The following PARD3B variants were observed in gnomAD, a reference collection of about 807,000 sequenced individuals.
PARD3B encodes the protein partitioning defective 3 homolog B.
In PARD3B, 103 loss-of-function variants were observed where a neutral mutation model predicts 130.2. The observed-to-expected ratio is 0.79, with a 90% CI of 0.67 to 0.93. The LOEUF is 0.93. Among genes scored for constraint, PARD3B ranks in the 40% least tolerant of loss-of-function variants. PARD3B has a pLI of 0.00. For synonymous variants in PARD3B, 583 were observed against 553.2 expected (o/e 1.05, Z -0.76); for missense variants, 1,609 against 1,499.2 (o/e 1.07, Z -1.21).
chr2:204,808,982 G>C (rs1310894375), intron 2 of PARD3B, among the ~76,000 whole-genome samples: 2 of 152,148 alleles, frequency 1.3e-5, no homozygotes, highest in Non-Finnish European at 2.9e-5. Context: ...TGACTGGTGT[G>C]AGATGGTACC....
chr2:205,355,569 G>A (rs6740963), intron 18 of PARD3B, among the ~76,000 whole-genome samples: 90,873 of 152,030 alleles, frequency 0.6, 30,681 homozygotes, highest in South Asian at 0.77. Context: ...TGTGTAAGGT[G>A]AGTGATTGAT....
At chr2:204,707,911 C>G (rs945329473) in intron 2 of PARD3B, among the ~76,000 whole-genome samples, 5 of 152,078 alleles carry the variant, frequency 3.3e-5, no homozygotes, top group Non-Finnish European at 7.4e-5. Context: ...GAGCTCTACC[C>G]AGAGGCGGCC....
At chr2:205,217,840 GTA>G (rs1249913426) in intron 15 of PARD3B, among the ~76,000 whole-genome samples, 4 of 40,916 alleles carry the variant, frequency 9.8e-5, no homozygotes, top group Non-Finnish European at 1.3e-4. Context: ...ATATATGTGT[GTA>G]TATGTGTGTG....
rs990001416 is a variant in PARD3B, at chr2:205,378,929, CT to C, written c.2631-22074del. On this transcript the variant is annotated intron_variant, in intron 18 of 22. Coordinates refer to ENST00000406610, the MANE Select transcript of PARD3B (RefSeq NM_001302769.2). Reference sequence around the variant, plus strand: ...ACAGGTGTGAGCCACCATGCCTGGCCTTTTTTTTTTCTTTCTTTTTTAAGGA... The same window carrying C: ...ACAGGTGTGAGCCACCATGCCTGGCCTTTTTTTTTCTTTCTTTTTTAAGGA... 3.9e-3 allele frequency among the ~76,000 whole-genome samples: 578 copies of C among 147,980 alleles called. 5 individuals carry two copies. Among genetic ancestry groups the C allele is most frequent in the African/African-American group, 0.013 (544 of 40,330 alleles).
At chr2:205,013,816 T>C (rs963078309) in intron 3 of PARD3B, among the ~76,000 whole-genome samples, 2 of 152,272 alleles carry the variant, frequency 1.3e-5, no homozygotes, top group East Asian at 1.9e-4. Context: ...GAGTTCCTGT[T>C]GGGATGTGGG....
chr2:205,111,186 A>G (rs544684644), intron 5 of PARD3B, among the ~76,000 whole-genome samples: 2 of 152,106 alleles, frequency 1.3e-5, no homozygotes, highest in Non-Finnish European at 2.9e-5. Context: ...CTAACTTTCT[A>G]TAAGTGCTTA....
Position 204,981,642 on chromosome 2 carries a change from G to T in PARD3B, c.394+16319G>T, listed in dbSNP as rs114886769. Among the ~76,000 whole-genome samples the T allele has an allele frequency of 2.5e-3, 376 of 152,296 alleles. 2 individuals carry two copies. Among genetic ancestry groups the T allele is most frequent in the African/African-American group, 8.5e-3 (353 of 41,582 alleles). The stretch of plus-strand genomic sequence containing the variant: ...GGAATGTAGCAGTAAACAACAAAAA[G>T]ATTAAAACTTTCTATTCTCATTTAG... On this transcript the variant is annotated intron_variant, in intron 3 of 22. Transcript: ENST00000406610.
chr2:204,665,574 C>T (rs544027819), intron 1 of PARD3B, among the ~76,000 whole-genome samples: 2 of 152,190 alleles, frequency 1.3e-5, no homozygotes, highest in Non-Finnish European at 2.9e-5. Context: ...TCAGGGAAAT[C>T]ATGCTATGAT....
intron 22 of PARD3B, among the ~76,000 whole-genome samples, chr2:205,597,888 C>A (rs1240606273): frequency 6.6e-6 from 1 of 152,112 alleles, no homozygotes; most frequent in Non-Finnish European, 1.5e-5. Context: ...AACTAAGCTT[C>A]TAACTGATGG....
At chr2:205,289,720 A>G (rs1258570823) in intron 16 of PARD3B, among the ~76,000 whole-genome samples, 1 of 152,194 alleles carries the variant, frequency 6.6e-6, no homozygotes, top group East Asian at 1.9e-4. Flanking sequence ...AAATTAGTGG[A>G]TTAAACCATT....
chr2:205,304,643 A>AG (rs1293699638), intron 18 of PARD3B, among the ~76,000 whole-genome samples: 1 of 151,472 alleles, frequency 6.6e-6, no homozygotes, highest in Non-Finnish European at 1.5e-5. Flanking sequence ...CTCAAAAAAA[A>AG]AAAAAAATTC....
intron 1 of PARD3B, among the ~76,000 whole-genome samples, chr2:204,679,631 G>A (rs1264046480): frequency 6.6e-6 from 1 of 151,670 alleles, no homozygotes; most frequent in Non-Finnish European, 1.5e-5. Context: ...TCATTCATAA[G>A]TATTTGATTT....
chr2:205,538,950 T>A (rs1359666127), intron 21 of PARD3B, among the ~76,000 whole-genome samples: 1 of 152,180 alleles, frequency 6.6e-6, no homozygotes, highest in Non-Finnish European at 1.5e-5. Context: ...TGAGTGGGTA[T>A]TACTAATCGC....
At chr2:205,072,547 C>T (rs1350023779) in intron 4 of PARD3B, among the ~76,000 whole-genome samples, 1 of 152,136 alleles carries the variant, frequency 6.6e-6, no homozygotes, top group African/African-American at 2.4e-5. Flanking sequence ...CTACGGCACC[C>T]AGCTGAGGAT....
intron 20 of PARD3B, among the ~76,000 whole-genome samples, chr2:205,464,963 T>C (rs1307273698): frequency 6.6e-6 from 1 of 152,232 alleles, no homozygotes; most frequent in Non-Finnish European, 1.5e-5. Context: ...GGTTCAGCAG[T>C]GTGCCTGGTA....
intron 10 of PARD3B, among the ~76,000 whole-genome samples, chr2:205,143,053 A>T (rs1258303892): frequency 6.6e-6 from 1 of 152,156 alleles, no homozygotes; most frequent in Non-Finnish European, 1.5e-5. Flanking sequence ...GAGGTAGCTT[A>T]TGTGCTGAGA....
chr2:204,635,482 A>G (rs1035296714), intron 1 of PARD3B, among the ~76,000 whole-genome samples: 10 of 152,184 alleles, frequency 6.6e-5, no homozygotes, highest in Non-Finnish European at 8.8e-5. Context: ...ACTCTTCTCT[A>G]ATGTATCTTC....
Position 204,843,649 on chromosome 2 carries a change from A to G in PARD3B, c.223-121503A>G, listed in dbSNP as rs1174960061. Reference sequence around the variant, plus strand: ...CTCAGCTTCGCAAAGTGCTGGGATTACAGATGTGAGCCACCGCGCCCAGTC... The same window carrying G: ...CTCAGCTTCGCAAAGTGCTGGGATTGCAGATGTGAGCCACCGCGCCCAGTC... On this transcript the variant is annotated intron_variant, in intron 2 of 22. Transcript: ENST00000406610. Among the ~76,000 whole-genome samples the G allele has an allele frequency of 5.3e-5, 8 of 152,196 alleles. No individual in the cohort carries two copies. The South Asian group carries it at 1.0e-3, about 20-fold the overall frequency.
At chr2:204,770,229 C>T (rs1461084102) in intron 2 of PARD3B, among the ~76,000 whole-genome samples, 1 of 93,406 alleles carries the variant, frequency 1.1e-5, no homozygotes, top group Non-Finnish European at 2.2e-5. Context: ...TTTCAAAGAA[C>T]ATCTTTATTT....
Sources: allele counts gnomAD v4.1 joint callset (sites outside exome capture counted in the v4.1 genomes callset), GRCh38; gene constraint gnomAD v4.1.1; transcripts MANE v1.5; gene names NCBI Gene and HGNC (gene_info 2026-07-23, HGNC 2026-07-21).